CA10: variants seen among roughly 807,000 people sequenced by gnomAD.
The protein encoded by CA10 is carbonic anhydrase-related protein 10.
Under a neutral mutation model 44.2 loss-of-function variants are expected in CA10, and 14 were observed. The ratio of observed to expected loss-of-function variants is 0.32; its 90% CI spans 0.21 to 0.50. The LOEUF is 0.50. CA10 is among the 20% of genes least tolerant of loss of function. The probability of loss-of-function intolerance (pLI) is 0.99; values close to 1 mark genes in which losing one functional copy is unlikely to be tolerated. For missense variants in CA10, 350 were observed against 409.7 expected, an observed-to-expected ratio of 0.85 and a Z score of 1.26; for synonymous variants, 159 against 141.6, an observed-to-expected ratio of 1.12 and a Z score of -0.87.
rs1912560878 is a variant in CA10 at position 51,631,326 on chromosome 17, G to C, written c.*258C>G. 3.0e-5 allele frequency: 12 copies of C among 398,812 alleles called. No homozygotes were observed. The South Asian group carries it at 5.1e-4, about 17-fold the overall frequency. The allele number at this position is 398,812 out of a possible 1,614,324, so 24.7% of individuals were successfully genotyped here. ...ACTTCCCATGATGGAGGTTGTAAGA[G>C]TGTGTGTGTGTGTAGGTATGTTTGC... On this transcript the variant is annotated 3_prime_UTR_variant, in exon 9 of 9. Coordinates refer to ENST00000451037, the MANE Select transcript of CA10 (RefSeq NM_020178.5).
chr17:52,000,242 C>G (rs968408506), intron 2 of CA10, among the ~76,000 whole-genome samples: 14 of 152,018 alleles, frequency 9.2e-5, no homozygotes, highest in Admixed American at 4.6e-4. Context: ...TGTGACGAAG[C>G]CTGTGATGAA....
chr17:51,745,409 T>C (rs1249519876), intron 4 of CA10, among the ~76,000 whole-genome samples: 3 of 152,228 alleles, frequency 2.0e-5, no homozygotes, highest in Admixed American at 6.5e-5. Context: ...CCTGCTTACA[T>C]GCTTTCTTCA....
chr17:51,699,795 C>T (rs1023007339), intron 4 of CA10, among the ~76,000 whole-genome samples: 1 of 152,100 alleles, frequency 6.6e-6, no homozygotes, highest in African/African-American at 2.4e-5. Flanking sequence ...CAGCTTCATC[C>T]CCATGTGGGT....
At chr17:51,882,623 T>C (rs1980426128) in intron 3 of CA10, among the ~76,000 whole-genome samples, 1 of 152,148 alleles carries the variant, frequency 6.6e-6, no homozygotes, top group Non-Finnish European at 1.5e-5. Context: ...GTCAAGTACT[T>C]GGTACTCATA....
intron 3 of CA10, among the ~76,000 whole-genome samples, chr17:51,928,845 A>G (rs1567888856): frequency 6.6e-6 from 1 of 152,178 alleles, no homozygotes; most frequent in Admixed American, 6.5e-5. Flanking sequence ...TGATTTACCT[A>G]TTGCCTAGCA....
At chr17:51,946,963 C>G (rs757571466) in intron 2 of CA10, among the ~76,000 whole-genome samples, 16 of 151,942 alleles carry the variant, frequency 1.1e-4, no homozygotes, top group Non-Finnish European at 2.2e-4. Flanking sequence ...TGCTCTGGCT[C>G]TCATATATTC....
chr17:51,744,779 T>C (rs1019374254), intron 4 of CA10, among the ~76,000 whole-genome samples: 4 of 152,206 alleles, frequency 2.6e-5, no homozygotes, highest in South Asian at 4.1e-4. Context: ...TCTTCCCTTA[T>C]GCTACACAGA....
chr17:52,071,179 A>C (rs181743647), intron 2 of CA10, among the ~76,000 whole-genome samples: 13 of 152,296 alleles, frequency 8.5e-5, no homozygotes, highest in African/African-American at 3.1e-4. Context: ...TGAATTAATC[A>C]AGTTCGGTTT....
chr17:51,801,654 G>A (rs1428722220), intron 3 of CA10, among the ~76,000 whole-genome samples: 3 of 152,134 alleles, frequency 2.0e-5, no homozygotes, highest in Non-Finnish European at 4.4e-5. Flanking sequence ...TAGATGCTGT[G>A]TCTACATCAC....
At chr17:51,733,853 G>T (rs554308814) in intron 4 of CA10, among the ~76,000 whole-genome samples, 83 of 152,268 alleles carry the variant, frequency 5.5e-4, no homozygotes, top group Non-Finnish European at 1.1e-3. Context: ...TCAATGCAAA[G>T]AAATCATTTA....
chr17:51,722,721 T>G (rs1916386760), intron 4 of CA10, among the ~76,000 whole-genome samples: 1 of 152,184 alleles, frequency 6.6e-6, no homozygotes, highest in Non-Finnish European at 1.5e-5. Flanking sequence ...GAATGGAATC[T>G]CAGAAAGACA....
chr17:51,775,212 A>G (rs1459784388), intron 3 of CA10, among the ~76,000 whole-genome samples: 1 of 152,202 alleles, frequency 6.6e-6, no homozygotes, highest in Non-Finnish European at 1.5e-5. Context: ...CAGAGAGGGC[A>G]CAGTCTGGTT....
intron 4 of CA10, among the ~76,000 whole-genome samples, chr17:51,713,371 A>G (rs1001988991): frequency 2.6e-5 from 4 of 152,362 alleles, no homozygotes; most frequent in Middle Eastern, 3.4e-3. Flanking sequence ...GTAAGGTTAC[A>G]ATTCCAAATA....
Position 51,672,538 on chromosome 17 carries a change from G to A in CA10, c.466-18802C>T, listed in dbSNP as rs1457833783. 3.9e-5 allele frequency among the ~76,000 whole-genome samples: 6 copies of A among 152,268 alleles called. No homozygotes were observed. The South Asian group carries it at 8.3e-4, about 21-fold the overall frequency. ...CCCCTATTTTGCAGAGTGGTGGGGG[G>A]CCGGGGGACCAAAACTTAGAGGTTA... On this transcript the variant is annotated intron_variant, in intron 4 of 8. Transcript: ENST00000451037.
At chr17:52,068,287 T>A (rs1987589118) in intron 2 of CA10, among the ~76,000 whole-genome samples, 1 of 152,198 alleles carries the variant, frequency 6.6e-6, no homozygotes, top group Non-Finnish European at 1.5e-5. Flanking sequence ...CACTTTTCCT[T>A]CCTGCAGCCT....
chr17:52,023,538 C>G, intron 2 of CA10, among the ~76,000 whole-genome samples: 1 of 151,942 alleles, frequency 6.6e-6, no homozygotes. Flanking sequence ...AAGAAATACC[C>G]TAATGGACAT....
At chr17:51,739,790 A>G (rs1904384870) in intron 4 of CA10, among the ~76,000 whole-genome samples, 1 of 152,142 alleles carries the variant, frequency 6.6e-6, no homozygotes, top group Admixed American at 6.5e-5. Flanking sequence ...CCACCATCTG[A>G]GCTTCTGCCT....
At chr17:51,701,435 A>G (rs908533993) in intron 4 of CA10, among the ~76,000 whole-genome samples, 1 of 152,142 alleles carries the variant, frequency 6.6e-6, no homozygotes, top group African/African-American at 2.4e-5. Flanking sequence ...TAGGACTGCA[A>G]CATAGCTTTT....
At chr17:51,918,786 T>C (rs1473517200) in intron 3 of CA10, among the ~76,000 whole-genome samples, 2 of 152,194 alleles carry the variant, frequency 1.3e-5, no homozygotes. Context: ...ATTTTCACAT[T>C]ATTTGCAGTT....
Sources: gnomAD v4.1 joint callset for allele counts (sites outside exome capture counted in the v4.1 genomes callset) on GRCh38, gnomAD v4.1.1 for gene constraint, MANE v1.5 for transcripts, NCBI Gene and HGNC (gene_info 2026-07-23, HGNC 2026-07-21) for gene names.